Variants in PTK7 observed in about 807,000 individuals in gnomAD.
PTK7 encodes inactive tyrosine-protein kinase 7.
In PTK7, 39 loss-of-function variants were observed where a neutral mutation model predicts 116.6. That is an observed-to-expected ratio of 0.33 (90% CI 0.26 to 0.44). PTK7 has a LOEUF of 0.44. Ranked by LOEUF, PTK7 falls within the 20% of genes least tolerant of loss-of-function variation. PTK7 has a pLI of 1.00. For synonymous variants in PTK7, 546 were observed against 563.6 expected (o/e 0.97, Z 0.44); for missense variants, 1,169 against 1,425.6 (o/e 0.82, Z 2.90).
At chr6:43,100,579 A>G (rs550287534) in intron 1 of PTK7, among the ~76,000 whole-genome samples, 7 of 152,192 alleles carry the variant, frequency 4.6e-5, no homozygotes, top group African/African-American at 1.7e-4. Context: ...TTTTGGGAAT[A>G]CAGCTGAAGT....
intron 1 of PTK7, among the ~76,000 whole-genome samples, chr6:43,082,295 C>G (rs192093771): frequency 7.0e-4 from 106 of 152,226 alleles, no homozygotes; most frequent in African/African-American, 2.4e-3. Context: ...CCTGCCTCAG[C>G]CTCCTGAGCA....
rs1274651442 is a variant in PTK7, at chr6:43,129,512, C to T, written c.368-215C>T. 4.7e-5 allele frequency: 33 copies of T among 706,322 alleles called. No homozygotes were observed. The highest frequency in any genetic ancestry group is 1.7e-4 in the South Asian group (9 of 51,488). The allele number at this position is 706,322 out of a possible 1,614,324, so 43.8% of individuals were successfully genotyped here. A position where few individuals can be genotyped will look rare whatever the true frequency, so the allele number is the denominator to read the frequency against. On this transcript the variant is annotated intron_variant, in intron 2 of 19. Transcript: ENST00000230419. The surrounding 1 kb of genome is among the most constrained non-coding windows in gnomAD (Gnocchi z 4.5). ...TGCTTGTGCAAATGGAAAGGGCGGC[C>T]GAGCCCTTGGCCAAGTGTCAGACTT...
intron 1 of PTK7, among the ~76,000 whole-genome samples, chr6:43,127,287 C>A (rs1264842594): frequency 2.0e-5 from 3 of 152,176 alleles, no homozygotes; most frequent in African/African-American, 7.2e-5. Flanking sequence ...TCAGGGAGTC[C>A]TCTTCTGTGT....
chr6:43,081,908 C>G (rs970640149), intron 1 of PTK7, among the ~76,000 whole-genome samples: 9 of 152,144 alleles, frequency 5.9e-5, no homozygotes, highest in Non-Finnish European at 1.2e-4. Flanking sequence ...ATCAGACCTT[C>G]CTTCCCTGAT....
At chr6:43,101,126 G>T (rs968379948) in intron 1 of PTK7, among the ~76,000 whole-genome samples, 1 of 151,912 alleles carries the variant, frequency 6.6e-6, no homozygotes, top group Non-Finnish European at 1.5e-5. Flanking sequence ...CAGCTACTCC[G>T]GAAGCTTGAA....
chr6:43,116,604 T>TTGTG (rs751605217), intron 1 of PTK7, among the ~76,000 whole-genome samples: 4,006 of 118,996 alleles, frequency 0.034, 90 homozygotes, highest in East Asian at 0.057. Context: ...AAAAGCTGGT[T>TTGTG]TGTGTGTGTG....
At chr6:43,102,631 G>A (rs865833049) in intron 1 of PTK7, among the ~76,000 whole-genome samples, 4 of 149,240 alleles carry the variant, frequency 2.7e-5, no homozygotes, top group East Asian at 2.0e-4. Context: ...CAAACCAACC[G>A]CAAAGGTGTC....
chr6:43,081,052 A>C (rs1361958788), intron 1 of PTK7, among the ~76,000 whole-genome samples: 1 of 152,010 alleles, frequency 6.6e-6, no homozygotes, highest in African/African-American at 2.4e-5. Flanking sequence ...AACAATAGAC[A>C]TTTTACCTAC....
intron 1 of PTK7, among the ~76,000 whole-genome samples, chr6:43,097,634 C>A (rs1247114018): frequency 6.6e-6 from 1 of 152,140 alleles, no homozygotes; most frequent in Non-Finnish European, 1.5e-5. Context: ...AGTTCAAATG[C>A]GGGGCATTGC....
At chr6:43,113,997 G>A (rs534696875) in intron 1 of PTK7, among the ~76,000 whole-genome samples, 12 of 152,180 alleles carry the variant, frequency 7.9e-5, no homozygotes, top group East Asian at 3.9e-4. Context: ...GAGCAGCCCC[G>A]GGGCCTGTGG....
In PTK7 at chr6:43,130,253, A is replaced by G; in HGVS notation, c.494A>G (p.Asp165Gly). ...AGGCCCACCTACCAATGGTTCCGAGATGGGACCCCCCTTTCTGATGGTCAG... is the reference window on the plus strand; with the variant it reads ...AGGCCCACCTACCAATGGTTCCGAGGTGGGACCCCCCTTTCTGATGGTCAG... The part of the protein sequence containing the change: ...HPRPTYQWFR[D>G]GTPLSDGQSN... Residue 165 changes from aspartate to glycine, a missense_variant, in exon 4 of 20, where the codon GAT (aspartate) becomes GGT (glycine). Asp to Gly is a moderately conservative substitution (Grantham distance 94). This residue lies in a region of PTK7 where 487 missense variants were observed against 549.8 expected (regional missense o/e 0.89). Coordinates refer to ENST00000230419, the MANE Select transcript of PTK7 (RefSeq NM_002821.5). The G allele has an allele frequency of 6.3e-7, 1 of 1,593,980 alleles. No homozygotes were observed. The highest frequency in any genetic ancestry group is 1.1e-5 in the South Asian group (1 of 89,736).
chr6:43,076,935 A>G lies in PTK7; in HGVS notation c.79+368A>G. The G allele has an allele frequency of 6.6e-7, 1 of 1,514,934 alleles. No individual in the cohort carries two copies. Among genetic ancestry groups the G allele is most frequent in the African/African-American group, 1.4e-5 (1 of 72,520 alleles). 93.8% of individuals were successfully genotyped at this position (1,514,934 alleles called of 1,614,324 possible). A position where few individuals can be genotyped will look rare whatever the true frequency, so the allele number is the denominator to read the frequency against. ...AAGACCATCCGCACCCACCGTGGGG[A>G]GCGCGATGGAGAAAAAGGAATTCCC... On this transcript the variant is annotated intron_variant, in intron 1 of 19. Transcript: ENST00000230419. This position sits in a 1 kb window ranked among gnomAD's most constrained non-coding sequence, Gnocchi z 5.7.
At chr6:43,086,249 G>A (rs929300403) in intron 1 of PTK7, among the ~76,000 whole-genome samples, 2 of 152,130 alleles carry the variant, frequency 1.3e-5, no homozygotes, top group Non-Finnish European at 2.9e-5. Context: ...TGACTGTGGG[G>A]GTTTCCCCAG....
chr6:43,145,116 T>C lies in PTK7; in HGVS notation c.2408-84T>C. The C allele has an allele frequency of 7.8e-7, 1 of 1,289,938 alleles. No individual in the cohort carries two copies. Among genetic ancestry groups the C allele is most frequent in the Non-Finnish European group, 1.1e-6 (1 of 935,324 alleles). The allele number at this position is 1,289,938 out of a possible 1,614,324, so 79.9% of individuals were successfully genotyped here. ...AGCCCAGGTGGGTGGGTCCCCACTG[T>C]GGGAGAGGCTAGGCCCCTCCCCCAG... On this transcript the variant is annotated intron_variant, in intron 15 of 19. Coordinates refer to ENST00000230419, the MANE Select transcript of PTK7 (RefSeq NM_002821.5). This position sits in a 1 kb window ranked among gnomAD's most constrained non-coding sequence, Gnocchi z 4.8.
Position 43,129,921 on chromosome 6 carries a change from C to T in PTK7, c.470+92C>T. 1 of 1,225,974 alleles carries T rather than the reference C, an allele frequency of 8.2e-7. No homozygotes were observed. Among genetic ancestry groups the T allele is most frequent in the Non-Finnish European group, 1.2e-6 (1 of 852,392 alleles). The allele number at this position is 1,225,974 out of a possible 1,614,324, so 75.9% of individuals were successfully genotyped here. ...ACTCTATGCGGATGTTACCTCGCTC[C>T]ATTCTGTGACCACTCGTTCCACCAC... On this transcript the variant is annotated intron_variant, in intron 3 of 19. Transcript: ENST00000230419. The surrounding 1 kb of genome is among the most constrained non-coding windows in gnomAD (Gnocchi z 4.5).
chr6:43,158,438 A>G (rs1015307523), intron 17 of PTK7, among the ~76,000 whole-genome samples: 3 of 152,154 alleles, frequency 2.0e-5, no homozygotes, highest in African/African-American at 7.2e-5. Context: ...ACTGCACTCT[A>G]GCCTGGGTGA....
intron 1 of PTK7, among the ~76,000 whole-genome samples, chr6:43,128,721 G>T (rs1343395147): frequency 1.3e-5 from 2 of 152,302 alleles, no homozygotes; most frequent in African/African-American, 2.4e-5. Context: ...GGAGGTGGAG[G>T]TTGCAGTGAG....
At position 43,129,251 on chromosome 6, in the gene PTK7, C is replaced by T. The variant is rs1390187268; in HGVS notation, c.354C>T (p.Ser118=). 4.3e-6 allele frequency: 7 copies of T among 1,613,988 alleles called. No homozygotes were observed. Among genetic ancestry groups the T allele is most frequent in the African/African-American group, 1.3e-5 (1 of 74,934 alleles). The part of the protein sequence containing the change: ...TGEEARSANA[S]FNIKWIEAGP... ...AAGAAGCCCGCAGTGCCAACGCCTC[C>T]TTCAACATCAAATGTGAGAGCCAGG... The change falls in exon 2 of 20, where the codon TCC becomes TCT. Residue 118 remains serine (S), a synonymous_variant. Transcript: ENST00000230419. The surrounding 1 kb of genome is among the most constrained non-coding windows in gnomAD (Gnocchi z 4.5).
chr6:43,118,212 G>A (rs1190632257), intron 1 of PTK7, among the ~76,000 whole-genome samples: 6 of 150,912 alleles, frequency 4.0e-5, no homozygotes, highest in Non-Finnish European at 2.9e-5. Flanking sequence ...TAGTGTGACC[G>A]AGGAAATGAA....
Sources: gnomAD v4.1 joint callset for allele counts (sites outside exome capture counted in the v4.1 genomes callset) on GRCh38, gnomAD v4.1.1 for gene constraint, gnomAD v4.1.1 regional missense constraint, Gnocchi (gnomAD v3.1) non-coding constraint, MANE v1.5 for transcripts, NCBI Gene and HGNC (gene_info 2026-07-23, HGNC 2026-07-21) for gene names.